Variants in RPH3AL observed in about 807,000 individuals in gnomAD.
RPH3AL encodes rab effector Noc2.
RPH3AL carries 38 observed loss-of-function variants against 43.1 expected under a neutral mutation model. The observed-to-expected ratio is 0.88, with a 90% CI of 0.68 to 1.15. The LOEUF is 1.15. Among genes scored for constraint, RPH3AL ranks in the 50% most tolerant of loss-of-function variants. RPH3AL has a pLI of 0.00. For missense variants in RPH3AL, 462 were observed against 423.2 expected, an observed-to-expected ratio of 1.09 and a Z score of -0.81; for synonymous variants, 189 against 176.3, an observed-to-expected ratio of 1.07 and a Z score of -0.57.
intron 5 of RPH3AL, among the ~76,000 whole-genome samples, chr17:296,844 G>A (rs779518621): frequency 9.2e-5 from 14 of 152,212 alleles, no homozygotes; most frequent in African/African-American, 3.4e-4. Flanking sequence ...CTGCTCTAAC[G>A]TCCTGCCGGA....
Position 323,688 on chromosome 17 carries a change from G to A in RPH3AL, c.78-2273C>T, listed in dbSNP as rs955145172. Among the ~76,000 whole-genome samples, 2 of 152,164 alleles carry A rather than the reference G, an allele frequency of 1.3e-5. No individual in the cohort carries two copies. Among genetic ancestry groups the A allele is most frequent in the African/African-American group, 2.4e-5 (1 of 41,424 alleles). ...AAGGAGGGACAGAAGCATCAGCACC[G>A]CCACCACTGCCTGTCCTGATGGACA... On this transcript the variant is annotated intron_variant, in intron 3 of 9. Coordinates refer to ENST00000331302, the MANE Select transcript of RPH3AL (RefSeq NM_006987.4). This position sits in a 1 kb window ranked among gnomAD's most constrained non-coding sequence, Gnocchi z 4.4.
intron 5 of RPH3AL, among the ~76,000 whole-genome samples, chr17:311,866 T>G (rs760112712): frequency 1.3e-5 from 2 of 152,214 alleles, no homozygotes; most frequent in Non-Finnish European, 2.9e-5. Context: ...TGCTATGGAC[T>G]GAACTGTGTC....
intron 6 of RPH3AL, among the ~76,000 whole-genome samples, chr17:278,156 GGGGC>G (rs1009956454): frequency 1.7e-4 from 26 of 152,188 alleles, no homozygotes; most frequent in African/African-American, 5.8e-4. Flanking sequence ...TTGAATCATG[GGGGC>G]GGTTCCCTCC....
intron 7 of RPH3AL, among the ~76,000 whole-genome samples, chr17:226,660 G>A (rs779655847): frequency 1.6e-4 from 25 of 152,132 alleles, no homozygotes; most frequent in Non-Finnish European, 2.9e-5. Context: ...TGGCTTCCTC[G>A]GGCTGCAAAG....
chr17:317,615 A>G (rs2044323477), intron 5 of RPH3AL, among the ~76,000 whole-genome samples: 1 of 152,130 alleles, frequency 6.6e-6, no homozygotes, highest in African/African-American at 2.4e-5. Flanking sequence ...TCTTACACCC[A>G]GGCCCCCATC....
chr17:317,380 CCT>C (rs2044303938), intron 5 of RPH3AL, among the ~76,000 whole-genome samples: 1 of 151,344 alleles, frequency 6.6e-6, no homozygotes, highest in Non-Finnish European at 1.5e-5. Flanking sequence ...ACCTGTAGTC[CCT>C]GTGGCCCCAC....
Position 246,999 on chromosome 17 carries a change from G to A in RPH3AL, c.613+112C>T, listed in dbSNP as rs1435820134. 2 of 1,153,380 alleles carry A rather than the reference G, an allele frequency of 1.7e-6. No homozygotes were observed. The highest frequency in any genetic ancestry group is 3.0e-5 in the African/African-American group (2 of 66,086). The allele number at this position is 1,153,380 out of a possible 1,614,324, so 71.4% of individuals were successfully genotyped here. Reference sequence around the variant, plus strand: ...ACAGGGAGGGACGCATCACCAGAATGAGCCTCGTGGATGGAGGGTGCGGGG... The same window carrying A: ...ACAGGGAGGGACGCATCACCAGAATAAGCCTCGTGGATGGAGGGTGCGGGG... On this transcript the variant is annotated intron_variant, in intron 7 of 9. Transcript: ENST00000331302. The surrounding 1 kb of genome is among the most constrained non-coding windows in gnomAD (Gnocchi z 4.8).
chr17:241,274 T>C (rs1036207596), intron 7 of RPH3AL, among the ~76,000 whole-genome samples: 3 of 151,932 alleles, frequency 2.0e-5, no homozygotes, highest in African/African-American at 7.3e-5. Context: ...TGTGCACCTG[T>C]AGTCCCAGCT....
At position 283,237 on chromosome 17, in the gene RPH3AL, C is replaced by T. The variant is rs528628195; in HGVS notation, c.352-1383G>A. ...CAGGCTGCCAACTCAGCAAGGAGCACGTCTCTCCATGGAGAGGGAAAATGT... is the reference window on the plus strand; with the variant it reads ...CAGGCTGCCAACTCAGCAAGGAGCATGTCTCTCCATGGAGAGGGAAAATGT... On this transcript the variant is annotated intron_variant, in intron 5 of 9. Transcript: ENST00000331302. The surrounding 1 kb of genome is among the most constrained non-coding windows in gnomAD (Gnocchi z 4.2). Among the ~76,000 whole-genome samples, 53 of 152,276 alleles carry T rather than the reference C, an allele frequency of 3.5e-4. No individual in the cohort carries two copies. The highest frequency in any genetic ancestry group is 3.4e-3 in the Middle Eastern group (1 of 294).
intron 5 of RPH3AL, among the ~76,000 whole-genome samples, chr17:313,064 C>T (rs1196983442): frequency 1.3e-5 from 2 of 152,314 alleles, no homozygotes; most frequent in East Asian, 1.9e-4. Flanking sequence ...GTGGACCAAG[C>T]GACCTCTCAT....
At chr17:321,871 A>G (rs1384371513) in intron 3 of RPH3AL, among the ~76,000 whole-genome samples, 2 of 152,212 alleles carry the variant, frequency 1.3e-5, no homozygotes, top group Non-Finnish European at 2.9e-5. Flanking sequence ...ACAGAATGTG[A>G]CGCTCACGTA....
rs1029773185 is a variant in RPH3AL, at chr17:328,118, C to A, written c.-36-539G>T. 2.6e-5 allele frequency among the ~76,000 whole-genome samples: 4 copies of A among 152,122 alleles called. No homozygotes were observed. Among genetic ancestry groups the A allele is most frequent in the African/African-American group, 9.7e-5 (4 of 41,438 alleles). ...GCAAGAGGGCAGGGGGTGGCAGCTA[C>A]AGCCAGGATTGCCACCCAGCACCAT... On this transcript the variant is annotated intron_variant, in intron 2 of 9. Coordinates refer to ENST00000331302, the MANE Select transcript of RPH3AL (RefSeq NM_006987.4). The surrounding 1 kb of genome is among the most constrained non-coding windows in gnomAD (Gnocchi z 4.2).
chr17:342,223 A>G (rs2045138624), intron 1 of RPH3AL, among the ~76,000 whole-genome samples: 1 of 152,218 alleles, frequency 6.6e-6, no homozygotes, highest in South Asian at 2.1e-4. Context: ...AGTGTTCGTG[A>G]GGATGTGGAG....
chr17:278,802 A>G (rs1285485958), intron 6 of RPH3AL, among the ~76,000 whole-genome samples: 2 of 152,182 alleles, frequency 1.3e-5, no homozygotes, highest in African/African-American at 2.4e-5. Flanking sequence ...CTACATGAAT[A>G]AACGCATTTG....
intron 6 of RPH3AL, among the ~76,000 whole-genome samples, chr17:268,553 G>GTTTTTTTTTTTTTTTTTTTT (rs5818749): frequency 1.3e-5 from 1 of 74,518 alleles, no homozygotes; most frequent in African/African-American, 5.5e-5. Flanking sequence ...ATGTTTTTGG[G>GTTTTTTTTTTTTTTTTTTTT]TTTTTTTTTT....
At chr17:325,367 CT>C (rs2044595223) in intron 3 of RPH3AL, among the ~76,000 whole-genome samples, 1 of 152,210 alleles carries the variant, frequency 6.6e-6, no homozygotes, top group Non-Finnish European at 1.5e-5. Context: ...GGCCCTGCCC[CT>C]GGCCCCTGCC....
chr17:352,634 A>G (rs1421980315), intron 1 of RPH3AL, 78 bp downstream of exon 1: 2 of 152,292 alleles, frequency 1.3e-5, no homozygotes, highest in Admixed American at 6.5e-5. Flanking sequence ...AAACCCCTGC[A>G]TGAACTGGGC....
chr17:294,503 G>A (rs1206582099), intron 5 of RPH3AL, among the ~76,000 whole-genome samples: 1 of 152,240 alleles, frequency 6.6e-6, no homozygotes, highest in African/African-American at 2.4e-5. Context: ...GTCTGACCAG[G>A]ACTGAAGAAC....
In RPH3AL at chr17:274,208, G is replaced by A. The variant is rs946549922; in HGVS notation, c.438+7560C>T. 7.2e-5 allele frequency among the ~76,000 whole-genome samples: 11 copies of A among 152,364 alleles called. 1 individual carries two copies. The highest frequency in any genetic ancestry group is 3.9e-4 in the East Asian group (2 of 5,188). On this transcript the variant is annotated intron_variant, in intron 6 of 9. Transcript: ENST00000331302. The surrounding 1 kb of genome is among the most constrained non-coding windows in gnomAD (Gnocchi z 4.7). ...CCAACTAACGCACCCATGAAAGCAC[G>A]TGGAAAAGGCACCGCGAAACCCCAG... is the stretch of plus-strand genomic sequence containing the variant.
Sources: gnomAD v4.1 joint callset for allele counts (sites outside exome capture counted in the v4.1 genomes callset) on GRCh38, gnomAD v4.1.1 for gene constraint, Gnocchi (gnomAD v3.1) non-coding constraint, MANE v1.5 for transcripts, NCBI Gene and HGNC (gene_info 2026-07-23, HGNC 2026-07-21) for gene names.